EMX1: variants seen among roughly 807,000 people sequenced by gnomAD.
The protein encoded by EMX1 is empty spiracles homeobox 1.
Under a neutral mutation model 20.1 loss-of-function variants are expected in EMX1, and 10 were observed. The observed-to-expected ratio is 0.50, with a 90% CI of 0.31 to 0.84. The LOEUF is 0.84. Ranked by LOEUF, EMX1 falls within the 40% of genes least tolerant of loss-of-function variation. The pLI is 0.05. For synonymous variants in EMX1, 250 were observed against 200.4 expected (o/e 1.25, Z -2.09); for missense variants, 424 against 431.9 (o/e 0.98, Z 0.16).
At chr2:72,928,549 A>G (rs1174013690) in intron 2 of EMX1, among the ~76,000 whole-genome samples, 2 of 152,074 alleles carry the variant, frequency 1.3e-5, no homozygotes, top group African/African-American at 4.8e-5. Context: ...GAGAGAAAGC[A>G]CCTGGTTGCT....
In EMX1 at chr2:72,918,177, C is replaced by A. The variant is rs1452874672; in HGVS notation, c.325C>A (p.Arg109Ser). The A allele has an allele frequency of 6.6e-7, 1 of 1,523,938 alleles. No homozygotes were observed. Among genetic ancestry groups the A allele is most frequent in the South Asian group, 1.2e-5 (1 of 81,656 alleles). 94.4% of individuals were successfully genotyped at this position (1,523,938 alleles called of 1,614,324 possible). A position where few individuals can be genotyped will look rare whatever the true frequency, so the allele number is the denominator to read the frequency against. The change falls in exon 1 of 3, where the codon CGC becomes AGC. Residue 109 changes from arginine to serine, a missense_variant. By Grantham distance (110) the Arg-to-Ser change is moderately radical. Transcript: ENST00000258106. The part of the protein sequence containing the change: ...FPAAAAAGAG[R>S]SLYGGPELVF... ...TGCCGCGGCCGCCGCGGGCGCGGGC[C>A]GCTCGCTCTACGGTGGGCCCGAGCT... is the stretch of plus-strand genomic sequence containing the variant.
At chr2:72,931,114 C>T (rs372877476) in intron 2 of EMX1, among the ~76,000 whole-genome samples, 1 of 152,090 alleles carries the variant, frequency 6.6e-6, no homozygotes, top group African/African-American at 2.4e-5. Context: ...TATGTCCCTG[C>T]CTCTAGAGAG....
At chr2:72,916,690 T>C (rs1449406269), upstream of EMX1, 2 of 716,944 alleles carry the variant, frequency 2.8e-6, no homozygotes, top group African/African-American at 3.5e-5. Flanking sequence ...TGAGATGGGC[T>C]CGGGCTACTT....
intron 2 of EMX1, chr2:72,926,484 C>A (rs914253560): frequency 1.8e-5 from 4 of 225,438 alleles, no homozygotes; most frequent in Non-Finnish European, 3.0e-5. Context: ...GAGGTTTGAG[C>A]CTGGGGAACC....
chr2:72,926,429 TA>T (rs1671200757), intron 2 of EMX1: 1 of 501,176 alleles, frequency 2.0e-6, no homozygotes, highest in African/African-American at 2.1e-5. Flanking sequence ...TTCCCGTCTG[TA>T]AATGAGCTGC....
Position 72,933,699 on chromosome 2 carries a change from TCTCAG to T in EMX1, c.706-81_706-77del, listed in dbSNP as rs1671319924. On this transcript the variant is annotated intron_variant, in intron 2 of 2. Transcript: ENST00000258106. ...TGTAGCCTCAGTCTTCCCATCAGGC[TCTCAG>T]CTCAGCCTGAGTGTTGAGGCCCCAG... 3.9e-6 allele frequency: 6 copies of T among 1,522,954 alleles called. 1 individual carries two copies. Among genetic ancestry groups the T allele is most frequent in the Non-Finnish European group, 5.3e-6 (6 of 1,129,342 alleles). The allele number at this position is 1,522,954 out of a possible 1,614,324, so 94.3% of individuals were successfully genotyped here. A position where few individuals can be genotyped will look rare whatever the true frequency, so the allele number is the denominator to read the frequency against.
chr2:72,924,540 GAGGTGAGGGTGCGCGGGTGC>G, intron 2 of EMX1, 47 bp downstream of exon 2: 2 of 1,501,806 alleles, frequency 1.3e-6, no homozygotes, highest in South Asian at 2.6e-5. Flanking sequence ...AGCCCGGGTG[GAGGTGAGGGTGCGCGGGTGC>G]AGGAGAGGCC....
Position 72,930,309 on chromosome 2 carries a change from A to G in EMX1, c.706-3478A>G, listed in dbSNP as rs1032119665. On this transcript the variant is annotated intron_variant, in intron 2 of 2. Transcript: ENST00000258106. This position sits in a 1 kb window ranked among gnomAD's most constrained non-coding sequence, Gnocchi z 4.4. ...TGCACAGTGGGGGTCACTGTTACTG[A>G]GACTGGGAAGAGGTACTAAGGAACT... Among the ~76,000 whole-genome samples the G allele has an allele frequency of 5.5e-4, 83 of 152,194 alleles. No individual in the cohort carries two copies. The highest frequency in any genetic ancestry group is 1.9e-3 in the African/African-American group (79 of 41,452).
At chr2:72,924,024 T>TC in intron 1 of EMX1, 1 of 560,994 alleles carries the variant, frequency 1.8e-6, no homozygotes, top group South Asian at 2.1e-5. Flanking sequence ...TCGTCCGGCC[T>TC]GCCCCATCTC....
chr2:72,918,216 G>A lies in EMX1; in HGVS notation c.364G>A (p.Ala122Thr), dbSNP rs1336887199. ...YGGPELVFPE[A>T]MNHPALTVHP... ...TGGGCCCGAGCTCGTGTTCCCCGAG[G>A]CCATGAACCACCCCGCGCTGACCGT... Residue 122 changes from alanine (A) to threonine (T), a missense_variant, in exon 1 of 3, where the codon GCC becomes ACC. By Grantham distance (58) the Ala-to-Thr change is moderately conservative. This residue lies in a region of EMX1 where 333 missense variants were observed against 296.6 expected (regional missense o/e 1.12). Transcript: ENST00000258106. 1.9e-6 allele frequency: 3 copies of A among 1,574,344 alleles called. No individual in the cohort carries two copies. The Admixed American group carries it at 5.3e-5, about 28-fold the overall frequency.
chr2:72,927,082 CT>C (rs1307139468), intron 2 of EMX1, among the ~76,000 whole-genome samples: 3 of 152,192 alleles, frequency 2.0e-5, no homozygotes, highest in Non-Finnish European at 4.4e-5. Context: ...TAGCCATATA[CT>C]TCTGTCTGCT....
intron 1 of EMX1, chr2:72,923,538 G>A (rs1671138118): frequency 6.6e-6 from 1 of 152,342 alleles, no homozygotes. Context: ...GCCAAGGCCT[G>A]GGGGAGAGAG....
intron 2 of EMX1, among the ~76,000 whole-genome samples, chr2:72,931,765 C>T (rs1323444173): frequency 6.6e-6 from 1 of 152,266 alleles, no homozygotes; most frequent in Non-Finnish European, 1.5e-5. Flanking sequence ...CGGGCACCAA[C>T]CCTTCCTGGG....
chr2:72,931,514 G>A (rs1333650838), intron 2 of EMX1, among the ~76,000 whole-genome samples: 1 of 152,090 alleles, frequency 6.6e-6, no homozygotes, highest in African/African-American at 2.4e-5. Flanking sequence ...CCCGCCCACT[G>A]ACTGGCACAG....
intron 2 of EMX1, among the ~76,000 whole-genome samples, chr2:72,931,130 T>C (rs1671272714): frequency 6.6e-6 from 1 of 152,200 alleles, no homozygotes; most frequent in Non-Finnish European, 1.5e-5. Flanking sequence ...GAGAGATGCC[T>C]ACTTGACCCC....
In EMX1 at chr2:72,930,395, G is replaced by T. The variant is rs1403024020; in HGVS notation, c.706-3392G>T. ...TCAGGACAGGGTCTTGAAGGCTAAGGAGAGTATTCCAGGGTTGGTAAGTCA... is the reference window on the plus strand; with the variant it reads ...TCAGGACAGGGTCTTGAAGGCTAAGTAGAGTATTCCAGGGTTGGTAAGTCA... On this transcript the variant is annotated intron_variant, in intron 2 of 2. Transcript: ENST00000258106. This position sits in a 1 kb window ranked among gnomAD's most constrained non-coding sequence, Gnocchi z 4.4. 6.6e-6 allele frequency among the ~76,000 whole-genome samples: 1 copy of T among 152,210 alleles called. No homozygotes were observed. Among genetic ancestry groups the T allele is most frequent in the Non-Finnish European group, 1.5e-5 (1 of 68,044 alleles).
intron 1 of EMX1, among the ~76,000 whole-genome samples, chr2:72,920,669 C>T (rs1420728541): frequency 6.6e-6 from 1 of 152,246 alleles, no homozygotes; most frequent in East Asian, 1.9e-4. Context: ...GCGCTCTCTG[C>T]GCAGCGCTTG....
At chr2:72,928,270 T>G (rs917521143) in intron 2 of EMX1, among the ~76,000 whole-genome samples, 1 of 152,226 alleles carries the variant, frequency 6.6e-6, no homozygotes. Flanking sequence ...AGTCTAAGCT[T>G]CAGTCCTGGT....
At chr2:72,919,085 G>A (rs937255605) in intron 1 of EMX1, among the ~76,000 whole-genome samples, 5 of 152,160 alleles carry the variant, frequency 3.3e-5, no homozygotes, top group Non-Finnish European at 7.4e-5. Flanking sequence ...CCCGGGCAGG[G>A]GGCGGGGGCA....
Sources: gnomAD v4.1 joint callset for allele counts (sites outside exome capture counted in the v4.1 genomes callset) on GRCh38, gnomAD v4.1.1 for gene constraint, gnomAD v4.1.1 regional missense constraint, Gnocchi (gnomAD v3.1) non-coding constraint, MANE v1.5 for transcripts, NCBI Gene and HGNC (gene_info 2026-07-23, HGNC 2026-07-21) for gene names.